FAT3: variants seen among roughly 807,000 people sequenced by gnomAD.
The protein encoded by FAT3 is protocadherin Fat 3.
FAT3 carries 95 observed loss-of-function variants against 310.2 expected under a neutral mutation model. That is an observed-to-expected ratio of 0.31 (90% CI 0.26 to 0.36). The LOEUF is 0.36. Ranked by LOEUF, FAT3 falls within the 10% of genes least tolerant of loss-of-function variation. The pLI is 1.00. For missense variants in FAT3, 5,408 were observed against 5,715.6 expected (o/e 0.95, Z 1.74); for synonymous variants, 2,314 against 2,192.9 (o/e 1.06, Z -1.54).
Position 92,431,080 on chromosome 11 carries a change from C to T in FAT3, c.3292+75676C>T, listed in dbSNP as rs1159123197. Among the ~76,000 whole-genome samples the T allele has an allele frequency of 3.5e-4, 54 of 152,250 alleles. 1 individual carries two copies. In the Middle Eastern group the frequency reaches 0.034, roughly 96 times the overall value. On this transcript the variant is annotated intron_variant, in intron 2 of 27. Coordinates refer to ENST00000525166, the MANE Select transcript of FAT3 (RefSeq NM_001367949.2). ...TTCTAGTTCTAGATCCCTGAGGAAT[C>T]GCCACACTGACTTCCACAATGGTTG...
intron 2 of FAT3, among the ~76,000 whole-genome samples, chr11:92,416,885 C>T (rs887806745): frequency 2.6e-5 from 4 of 152,102 alleles, no homozygotes; most frequent in African/African-American, 9.7e-5. Context: ...ATGCATTTGA[C>T]CTTTGGTTGG....
chr11:92,596,948 C>G (rs1939742246), intron 3 of FAT3, among the ~76,000 whole-genome samples: 1 of 152,142 alleles, frequency 6.6e-6, no homozygotes, highest in Admixed American at 6.6e-5. Context: ...CTTTTCTTCT[C>G]TGTACCTATC....
intron 1 of FAT3, among the ~76,000 whole-genome samples, chr11:92,306,615 ATATTTATAT>A (rs1947131191): frequency 8.0e-6 from 1 of 125,098 alleles, no homozygotes; most frequent in African/African-American, 3.0e-5. Flanking sequence ...TTTATATTAT[ATATTTATAT>A]TATATTTATA....
chr11:92,532,341 C>T (rs1311235012), intron 3 of FAT3, among the ~76,000 whole-genome samples: 1 of 152,182 alleles, frequency 6.6e-6, no homozygotes, highest in Non-Finnish European at 1.5e-5. Flanking sequence ...CAAAAATACA[C>T]AGTTTTCCCT....
intron 2 of FAT3, among the ~76,000 whole-genome samples, chr11:92,453,769 G>A (rs138733112): frequency 3.9e-5 from 6 of 152,038 alleles, no homozygotes; most frequent in Non-Finnish European, 5.9e-5. Flanking sequence ...AATTGTCTAG[G>A]TGAAATGCAA....
At chr11:92,815,933 A>G (rs3847532) in intron 13 of FAT3, among the ~76,000 whole-genome samples, 131,363 of 152,254 alleles carry the variant, frequency 0.86, 56,749 homozygotes, top group East Asian at 0.94. Context: ...CCAAGAAAAC[A>G]ATGAAGAATG....
chr11:92,757,820 G>A (rs1946044408), intron 4 of FAT3, among the ~76,000 whole-genome samples: 2 of 152,338 alleles, frequency 1.3e-5, no homozygotes, highest in East Asian at 1.9e-4. Context: ...CACTGAAGGA[G>A]ACAGACATGG....
chr11:92,553,732 T>G (rs1954906526), intron 3 of FAT3, among the ~76,000 whole-genome samples: 1 of 87,118 alleles, frequency 1.1e-5, no homozygotes. Flanking sequence ...TTTTTCGTTG[T>G]TTCTTTCTTT....
At chr11:92,563,268 T>C (rs1487101926) in intron 3 of FAT3, among the ~76,000 whole-genome samples, 1 of 152,174 alleles carries the variant, frequency 6.6e-6, no homozygotes, top group East Asian at 1.9e-4. Context: ...GGACTATATA[T>C]ATAAGCAACA....
At chr11:92,544,487 A>G (rs545651422) in intron 3 of FAT3, among the ~76,000 whole-genome samples, 1 of 141,060 alleles carries the variant, frequency 7.1e-6, no homozygotes, top group South Asian at 2.1e-4. Context: ...TGTACATCTA[A>G]TAAGTATCAA....
chr11:92,401,940 A>C (rs916163070), intron 2 of FAT3, among the ~76,000 whole-genome samples: 1 of 152,232 alleles, frequency 6.6e-6, no homozygotes, highest in African/African-American at 2.4e-5. Flanking sequence ...TTTCAACAAA[A>C]ATTTACAAGG....
chr11:92,837,456 A>G (rs1948435655), intron 16 of FAT3, among the ~76,000 whole-genome samples: 1 of 152,198 alleles, frequency 6.6e-6, no homozygotes, highest in Non-Finnish European at 1.5e-5. Context: ...GCTGTTAAAC[A>G]TCCTAAAATG....
At chr11:92,859,758 T>C (rs1351390791) in intron 21 of FAT3, among the ~76,000 whole-genome samples, 2 of 152,176 alleles carry the variant, frequency 1.3e-5, no homozygotes, top group African/African-American at 2.4e-5. Context: ...ATAGGAGATT[T>C]CGTATGTCCT....
chr11:92,745,850 C>G (rs529113838), intron 4 of FAT3, among the ~76,000 whole-genome samples: 15 of 152,086 alleles, frequency 9.9e-5, no homozygotes, highest in African/African-American at 3.6e-4. Context: ...TATGTGTAGT[C>G]CTGTGGTAGG....
chr11:92,493,675 A>C (rs558589845), intron 2 of FAT3, among the ~76,000 whole-genome samples: 2 of 152,116 alleles, frequency 1.3e-5, no homozygotes, highest in Non-Finnish European at 2.9e-5. Context: ...CCTAGGTGAC[A>C]GGAGCTATGA....
In FAT3 at chr11:92,798,715, A is replaced by G. The variant is rs1947244201; in HGVS notation, c.5702A>G (p.Glu1901Gly). Residue 1901 changes from glutamate (E) to glycine (G), a missense_variant, in exon 10 of 28, where the codon GAG (glutamate) becomes GGG (glycine). Physicochemically the swap from Glu to Gly is moderately conservative, Grantham distance 98. Coordinates refer to ENST00000525166, the MANE Select transcript of FAT3 (RefSeq NM_001367949.2). ...ILLLPTYVGV[E>G]VLKVSATDPD... The stretch of plus-strand genomic sequence containing the variant: ...CTTCTACCTACCTATGTTGGAGTGG[A>G]GGTTCTGAAAGTTAGTGCCACAGAT... The G allele has an allele frequency of 6.2e-7, 1 of 1,613,812 alleles. No homozygotes were observed.
chr11:92,540,860 G>T (rs1253615579), intron 3 of FAT3, among the ~76,000 whole-genome samples: 1 of 152,014 alleles, frequency 6.6e-6, no homozygotes, highest in Non-Finnish European at 1.5e-5. Context: ...ACCACTACCA[G>T]CTAAAGGAAA....
At chr11:92,441,702 C>A (rs770898359) in intron 2 of FAT3, among the ~76,000 whole-genome samples, 26 of 152,132 alleles carry the variant, frequency 1.7e-4, no homozygotes, top group Non-Finnish European at 3.1e-4. Flanking sequence ...GTTTAAAACA[C>A]CACAAAACAG....
intron 1 of FAT3, among the ~76,000 whole-genome samples, chr11:92,332,255 T>A (rs1237934466): frequency 2.0e-5 from 3 of 152,228 alleles, no homozygotes; most frequent in African/African-American, 7.2e-5. Flanking sequence ...TTTTACTTCC[T>A]CTGCTCCATC....
Sources: gnomAD v4.1 joint callset for allele counts (sites outside exome capture counted in the v4.1 genomes callset) on GRCh38, gnomAD v4.1.1 for gene constraint, MANE v1.5 for transcripts, NCBI Gene and HGNC (gene_info 2026-07-23, HGNC 2026-07-21) for gene names.